Variants in PLCH1 observed in about 807,000 individuals in gnomAD.
The protein encoded by PLCH1 is 1-phosphatidylinositol 4,5-bisphosphate phosphodiesterase eta-1.
Under a neutral mutation model 126.7 loss-of-function variants are expected in PLCH1, and 60 were observed. The ratio of observed to expected loss-of-function variants is 0.47; its 90% confidence interval spans 0.38 to 0.59. The LOEUF (loss-of-function observed/expected upper bound fraction) is 0.59, where lower values mean the gene tolerates loss of function less well. Ranked by LOEUF, PLCH1 falls within the 20% of genes least tolerant of loss-of-function variation. The pLI, the probability that PLCH1 is intolerant of heterozygous loss-of-function variation, is 0.00. For missense variants in PLCH1, 1,723 were observed against 2,040.0 expected (o/e 0.84, Z 2.99); for synonymous variants, 719 against 734.9 (o/e 0.98, Z 0.35).
At chr3:155,456,248 T>C (rs1442595465) in intron 21 of PLCH1, among the ~76,000 whole-genome samples, 1 of 152,058 alleles carries the variant, frequency 6.6e-6, no homozygotes, top group Non-Finnish European at 1.5e-5. Context: ...GTGTCCAATC[T>C]TTTGGCTTCC....
At chr3:155,575,000 G>A (rs1409112461) in intron 6 of PLCH1, among the ~76,000 whole-genome samples, 7 of 151,802 alleles carry the variant, frequency 4.6e-5, no homozygotes, top group East Asian at 1.9e-4. Context: ...GTATGGTGGC[G>A]GGCACCTACA....
At chr3:155,581,041 T>C (rs983585848) in intron 6 of PLCH1, among the ~76,000 whole-genome samples, 2 of 152,212 alleles carry the variant, frequency 1.3e-5, no homozygotes, top group Admixed American at 6.5e-5. Flanking sequence ...ATCTCATTAA[T>C]AGCGTCTCAA....
At chr3:155,471,782 A>T (rs929251801) in intron 21 of PLCH1, among the ~76,000 whole-genome samples, 1 of 152,128 alleles carries the variant, frequency 6.6e-6, no homozygotes, top group Non-Finnish European at 1.5e-5. Context: ...CTCACTCAAA[A>T]TCGCTCAACT....
chr3:155,483,441 C>A, intron 22 of PLCH1: 1 of 1,126,124 alleles, frequency 8.9e-7, no homozygotes, highest in South Asian at 1.7e-5. Flanking sequence ...ATTGTGGTAC[C>A]TGTAAGCAAG....
chr3:155,550,868 G>A (rs1030519494), intron 9 of PLCH1, among the ~76,000 whole-genome samples: 1 of 152,048 alleles, frequency 6.6e-6, no homozygotes, highest in African/African-American at 2.4e-5. Context: ...TTCATGACAA[G>A]CACAAGTTCC....
chr3:155,474,129 G>A lies in PLCH1; in HGVS notation c.2938+11227C>T, dbSNP rs1046804509. Among the ~76,000 whole-genome samples, 57 of 152,056 alleles carry A rather than the reference G, an allele frequency of 3.7e-4. 1 individual carries two copies. The highest frequency in any genetic ancestry group is 4.3e-4 in the Non-Finnish European group (29 of 68,016). On this transcript the variant is annotated intron_variant, in intron 21 of 21. Coordinates refer to the PLCH1 transcript ENST00000494598. ...CACAGCAAAAGAAACTACCATCAGA[G>A]TGAACAGGCAACCTACAAAATGGGA...
chr3:155,546,845 G>C (rs899812716), intron 10 of PLCH1, among the ~76,000 whole-genome samples: 2 of 147,352 alleles, frequency 1.4e-5, no homozygotes, highest in African/African-American at 5.0e-5. Context: ...TATGAAGAAA[G>C]CTGAAACTGG....
At chr3:155,464,759 T>A (rs1712866238) in intron 21 of PLCH1, among the ~76,000 whole-genome samples, 1 of 152,198 alleles carries the variant, frequency 6.6e-6, no homozygotes, top group Non-Finnish European at 1.5e-5. Context: ...CTCCAAATGA[T>A]AATTGTAAAA....
chr3:155,472,015 G>C (rs1713280757), intron 21 of PLCH1, among the ~76,000 whole-genome samples: 1 of 152,248 alleles, frequency 6.6e-6, no homozygotes, highest in Middle Eastern at 3.4e-3. Context: ...ACAATTAAAA[G>C]AACTAGAAAA....
chr3:155,670,482 G>A (rs1382379272), intron 2 of PLCH1, among the ~76,000 whole-genome samples: 3 of 152,094 alleles, frequency 2.0e-5, no homozygotes, highest in African/African-American at 4.8e-5. Context: ...TAAACAGATC[G>A]ATAGAAATAA....
At position 155,564,960 on chromosome 3, in the gene PLCH1, C is replaced by T. The variant is rs149403571; in HGVS notation, c.1024G>A (p.Asp342Asn). 8.1e-6 allele frequency: 13 copies of T among 1,613,866 alleles called. No individual in the cohort carries two copies. The African/African-American group carries it at 1.7e-4, about 22-fold the overall frequency. Residue 342 changes from aspartate (D) to asparagine (N), a missense_variant, in exon 8 of 23, where the codon GAT becomes AAT. Transcript: ENST00000460012. ...TCTTGCAGCACCCGTGCATACATAT[C>T]CACTTTGGACTGAGAAAGGAGCTGG... ...GDQLLSQSKV[D>N]MYARVLQEGC... is the part of the protein sequence containing the mutation.
At chr3:155,659,638 A>G (rs1741896775) in intron 2 of PLCH1, among the ~76,000 whole-genome samples, 1 of 151,838 alleles carries the variant, frequency 6.6e-6, no homozygotes, top group Non-Finnish European at 1.5e-5. Flanking sequence ...AGCTGGGATG[A>G]CAGGCGCCCA....
At chr3:155,634,272 G>A (rs1264121988) in intron 2 of PLCH1, among the ~76,000 whole-genome samples, 1 of 152,216 alleles carries the variant, frequency 6.6e-6, no homozygotes, top group Non-Finnish European at 1.5e-5. Flanking sequence ...AACAGCAGCA[G>A]CGTGTTGCTC....
intron 2 of PLCH1, among the ~76,000 whole-genome samples, chr3:155,636,444 A>G (rs1461343749): frequency 6.6e-6 from 1 of 152,168 alleles, no homozygotes; most frequent in Non-Finnish European, 1.5e-5. Context: ...TTTCAACTAC[A>G]ACTAAGTAGT....
At chr3:155,501,675 A>G (rs1717926189) in intron 13 of PLCH1, among the ~76,000 whole-genome samples, 1 of 152,028 alleles carries the variant, frequency 6.6e-6, no homozygotes, top group African/African-American at 2.4e-5. Flanking sequence ...GGTGCCTATA[A>G]TCCCAGCTAC....
rs186363676 is a variant in PLCH1, at chr3:155,501,540, C to T, written c.1705-746G>A. ...GGGCGTGGTGGCTCGCGCCTGTAAT[C>T]CCAGCACTTTGGGGGGCTGAGGTGG... On this transcript the variant is annotated intron_variant, in intron 13 of 22. Transcript: ENST00000460012. Among the ~76,000 whole-genome samples the T allele has an allele frequency of 1.7e-4, 26 of 152,260 alleles. No homozygotes were observed. The Middle Eastern group carries it at 0.01, about 60-fold the overall frequency.
intron 2 of PLCH1, among the ~76,000 whole-genome samples, chr3:155,615,798 C>T (rs954756734): frequency 6.6e-6 from 1 of 152,112 alleles, no homozygotes; most frequent in African/African-American, 2.4e-5. Flanking sequence ...GGATAAAAGA[C>T]TGCACATTGG....
At chr3:155,649,620 T>C (rs566485383) in intron 2 of PLCH1, among the ~76,000 whole-genome samples, 1 of 152,240 alleles carries the variant, frequency 6.6e-6, no homozygotes, top group South Asian at 2.1e-4. Context: ...AATCTGACTC[T>C]GATTTGGACT....
chr3:155,676,505 T>C (rs1365920063), intron 2 of PLCH1: 2 of 497,026 alleles, frequency 4.0e-6, no homozygotes. Context: ...CTGATTACCG[T>C]GGGAGTGACG....
Sources: allele counts gnomAD v4.1 joint callset (sites outside exome capture counted in the v4.1 genomes callset), GRCh38; gene constraint gnomAD v4.1.1; transcripts MANE v1.5; gene names NCBI Gene and HGNC (gene_info 2026-07-23, HGNC 2026-07-21).